Variants in XIRP2 observed in about 807,000 individuals in gnomAD.
The protein encoded by XIRP2 is xin actin-binding repeat-containing protein 2.
A neutral mutation model predicts 277.0 loss-of-function variants in XIRP2; 236 were observed. That is an observed-to-expected ratio of 0.85 (90% CI 0.77 to 0.95). XIRP2 has a LOEUF of 0.95. Among genes scored for constraint, XIRP2 ranks in the 40% least tolerant of loss-of-function variants. The probability of loss-of-function intolerance (pLI) is 0.00; values close to 1 mark genes in which losing one functional copy is unlikely to be tolerated. For missense variants in XIRP2, 4,640 were observed against 4,157.5 expected (o/e 1.12, Z -3.19); for synonymous variants, 1,490 against 1,416.5 (o/e 1.05, Z -1.17).
At chr2:167,242,033 TA>T (rs1450859562) in intron 8 of XIRP2, 123 bp downstream of exon 8, 8 of 1,254,452 alleles carry the variant, frequency 6.4e-6, no homozygotes, top group African/African-American at 1.5e-5. Context: ...AACTGGCATT[TA>T]TTCAGTTCTG....
chr2:167,097,143 G>T (rs1187707517), intron 2 of XIRP2, among the ~76,000 whole-genome samples: 1 of 151,992 alleles, frequency 6.6e-6, no homozygotes, highest in Non-Finnish European at 1.5e-5. Flanking sequence ...TTGACAGTGG[G>T]GTGTTAAAGT....
At chr2:167,039,890 T>C (rs1337576257) in intron 2 of XIRP2, among the ~76,000 whole-genome samples, 1 of 152,156 alleles carries the variant, frequency 6.6e-6, no homozygotes, top group African/African-American at 2.4e-5. Flanking sequence ...ATTTTACATA[T>C]AGGTAAATAT....
At chr2:167,194,780 C>T (rs1693451476) in intron 3 of XIRP2, among the ~76,000 whole-genome samples, 1 of 152,134 alleles carries the variant, frequency 6.6e-6, no homozygotes, top group South Asian at 2.1e-4. Flanking sequence ...CCTCATCTGA[C>T]ATCAGAGATA....
At chr2:167,183,632 T>C (rs1693078496) in intron 3 of XIRP2, among the ~76,000 whole-genome samples, 1 of 152,192 alleles carries the variant, frequency 6.6e-6, no homozygotes. Context: ...AAATTCTCTA[T>C]CTTTTCATAT....
intron 2 of XIRP2, among the ~76,000 whole-genome samples, chr2:167,019,555 G>T (rs771073703): frequency 2.0e-5 from 3 of 151,954 alleles, no homozygotes; most frequent in Non-Finnish European, 2.9e-5. Flanking sequence ...AAAGAACAAG[G>T]CAATAAAGTA....
chr2:167,184,666 G>A (rs1332296634), intron 3 of XIRP2: 1 of 714,184 alleles, frequency 1.4e-6, no homozygotes, highest in South Asian at 1.5e-5. Context: ...TTCTTGAATT[G>A]TACTGCTTCT....
intron 3 of XIRP2, among the ~76,000 whole-genome samples, chr2:167,143,436 G>C (rs1485924334): frequency 6.6e-6 from 1 of 152,098 alleles, no homozygotes; most frequent in African/African-American, 2.4e-5. Flanking sequence ...AGGAGGGATA[G>C]GAGAAAGGGT....
chr2:167,089,206 G>A (rs1574244501), intron 2 of XIRP2, among the ~76,000 whole-genome samples: 1 of 152,184 alleles, frequency 6.6e-6, no homozygotes. Context: ...ATGTCCAGAG[G>A]AAGAAAAGCA....
intron 2 of XIRP2, among the ~76,000 whole-genome samples, chr2:167,105,593 C>T (rs1029205593): frequency 1.3e-4 from 20 of 151,896 alleles, no homozygotes; most frequent in Admixed American, 2.6e-4. Flanking sequence ...TTGCCTATTA[C>T]AAATAAAGCT....
At chr2:167,128,153 C>T (rs770908992) in intron 2 of XIRP2, among the ~76,000 whole-genome samples, 1 of 152,182 alleles carries the variant, frequency 6.6e-6, no homozygotes, top group Admixed American at 6.5e-5. Context: ...TACTTTTATC[C>T]TAAAAACTAC....
At chr2:167,178,855 A>G (rs927020213) in intron 3 of XIRP2, among the ~76,000 whole-genome samples, 1 of 152,150 alleles carries the variant, frequency 6.6e-6, no homozygotes, top group African/African-American at 2.4e-5. Context: ...TTCATCTGTA[A>G]ACATCATATC....
At chr2:167,081,148 C>G (rs185363980) in intron 2 of XIRP2, among the ~76,000 whole-genome samples, 79 of 152,200 alleles carry the variant, frequency 5.2e-4, no homozygotes, top group Middle Eastern at 6.8e-3. Context: ...AACCAGAGAT[C>G]TTCATTCCTT....
chr2:167,100,725 A>C (rs1690463654), intron 2 of XIRP2, among the ~76,000 whole-genome samples: 1 of 152,172 alleles, frequency 6.6e-6, no homozygotes, highest in Non-Finnish European at 1.5e-5. Flanking sequence ...CATGAAATCA[A>C]ACTGCTTCTT....
At chr2:167,195,819 A>G (rs890772163) in intron 3 of XIRP2, among the ~76,000 whole-genome samples, 7 of 152,170 alleles carry the variant, frequency 4.6e-5, no homozygotes, top group Admixed American at 1.3e-4. Flanking sequence ...AAGGCCAGAA[A>G]CAATTCAGAT....
chr2:167,083,550 A>G (rs1326847902), intron 2 of XIRP2, among the ~76,000 whole-genome samples: 1 of 152,170 alleles, frequency 6.6e-6, no homozygotes, highest in East Asian at 1.9e-4. Flanking sequence ...GGCCATTTTC[A>G]TGATATTGAT....
chr2:167,031,472 T>C (rs2105505123), intron 2 of XIRP2, among the ~76,000 whole-genome samples: 1 of 152,218 alleles, frequency 6.6e-6, no homozygotes, highest in Non-Finnish European at 1.5e-5. Flanking sequence ...TCGCTGGATA[T>C]GAAATTCTGG....
At chr2:167,086,720 C>T (rs370830444) in intron 2 of XIRP2, among the ~76,000 whole-genome samples, 14 of 151,760 alleles carry the variant, frequency 9.2e-5, no homozygotes, top group South Asian at 8.4e-4. Context: ...TACCCTTTCT[C>T]CCAGTTGATC....
chr2:167,256,622 T>A (rs1456786571), intron 10 of XIRP2, among the ~76,000 whole-genome samples: 1 of 151,926 alleles, frequency 6.6e-6, no homozygotes, highest in African/African-American at 2.4e-5. Flanking sequence ...GATATTATAA[T>A]GCCCTTTGCA....
intron 1 of XIRP2, among the ~76,000 whole-genome samples, chr2:166,898,226 A>G (rs1684293854): frequency 6.6e-6 from 1 of 152,150 alleles, no homozygotes; most frequent in African/African-American, 2.4e-5. Flanking sequence ...TTGTGCTCAC[A>G]TTAAATTAGA....
Sources: gnomAD v4.1 joint callset for allele counts (sites outside exome capture counted in the v4.1 genomes callset) on GRCh38, gnomAD v4.1.1 for gene constraint, MANE v1.5 for transcripts, NCBI Gene and HGNC (gene_info 2026-07-23, HGNC 2026-07-21) for gene names.